The following ADGRB3 variants were observed in gnomAD, a reference collection of about 807,000 sequenced individuals.
ADGRB3 encodes the protein adhesion G protein-coupled receptor B3, also known as brain-specific angiogenesis inhibitor 3.
A neutral mutation model predicts 193.4 loss-of-function variants in ADGRB3; 37 were observed. The observed-to-expected ratio is 0.19, with a 90% confidence interval of 0.15 to 0.25. The LOEUF is 0.25. Among genes scored for constraint, ADGRB3 ranks in the 10% least tolerant of loss-of-function variants. The probability of loss-of-function intolerance (pLI) is 1.00; values close to 1 mark genes in which losing one functional copy is unlikely to be tolerated. For synonymous variants in ADGRB3, 690 were observed against 644.2 expected, an observed-to-expected ratio of 1.07 and a Z score of -1.08; for missense variants, 1,637 against 1,852.9, an observed-to-expected ratio of 0.88 and a Z score of 2.14.
intron 3 of ADGRB3, among the ~76,000 whole-genome samples, chr6:68,829,690 A>T (rs184823240): frequency 6.6e-6 from 1 of 152,178 alleles, no homozygotes; most frequent in Admixed American, 6.5e-5. Flanking sequence ...ACATTTAGAA[A>T]TTTCAGGTAA....
chr6:69,239,925 T>C (rs978176730), intron 20 of ADGRB3, among the ~76,000 whole-genome samples: 1 of 152,056 alleles, frequency 6.6e-6, no homozygotes, highest in Non-Finnish European at 1.5e-5. Context: ...TACCCCTGCC[T>C]CAAAAGGATT....
chr6:69,333,534 T>C (rs192750669), intron 24 of ADGRB3, among the ~76,000 whole-genome samples: 107 of 152,228 alleles, frequency 7.0e-4, no homozygotes, highest in African/African-American at 2.5e-3. Flanking sequence ...ATTTTTAATC[T>C]AACTGGCTAA....
At chr6:69,107,889 A>G (rs1482309421) in intron 17 of ADGRB3, among the ~76,000 whole-genome samples, 1 of 152,110 alleles carries the variant, frequency 6.6e-6, no homozygotes, top group Non-Finnish European at 1.5e-5. Flanking sequence ...TGAGACTACT[A>G]GAAGGGAGAG....
intron 20 of ADGRB3, among the ~76,000 whole-genome samples, chr6:69,312,943 C>A (rs921059638): frequency 6.6e-6 from 1 of 151,694 alleles, no homozygotes; most frequent in Non-Finnish European, 1.5e-5. Flanking sequence ...TTGAGATTTG[C>A]CAAGAACTAA....
intron 17 of ADGRB3, among the ~76,000 whole-genome samples, chr6:69,149,250 T>C (rs1332322133): frequency 4.6e-5 from 7 of 152,002 alleles, no homozygotes; most frequent in Non-Finnish European, 1.0e-4. Flanking sequence ...TTATTTCCTC[T>C]GACTGTGTAT....
intron 3 of ADGRB3, among the ~76,000 whole-genome samples, chr6:68,752,530 C>T (rs921227303): frequency 1.3e-5 from 2 of 152,096 alleles, no homozygotes; most frequent in Non-Finnish European, 2.9e-5. Flanking sequence ...GCCTCGGCCT[C>T]CCAAAGTGCT....
chr6:68,741,504 A>T (rs1765981468), intron 3 of ADGRB3, among the ~76,000 whole-genome samples: 1 of 152,058 alleles, frequency 6.6e-6, no homozygotes, highest in South Asian at 2.1e-4. Flanking sequence ...CTCCAACCTG[A>T]GCCTCCCGAG....
chr6:69,361,533 T>A, intron 29 of ADGRB3, 21 bp downstream of exon 29: 1 of 1,594,962 alleles, frequency 6.3e-7, no homozygotes, highest in Non-Finnish European at 8.5e-7. Flanking sequence ...GAAGATTAAA[T>A]TTTTCCTTGA....
chr6:68,798,621 A>T (rs1767256920), intron 3 of ADGRB3, among the ~76,000 whole-genome samples: 1 of 152,184 alleles, frequency 6.6e-6, no homozygotes, highest in African/African-American at 2.4e-5. Flanking sequence ...ACCATGGCAC[A>T]TGTATACCTA....
intron 17 of ADGRB3, among the ~76,000 whole-genome samples, chr6:69,101,406 A>C (rs889128769): frequency 2.0e-5 from 3 of 151,168 alleles, no homozygotes; most frequent in Non-Finnish European, 2.9e-5. Context: ...TAAGGCTTTA[A>C]ATGCAAATAT....
chr6:69,244,181 T>C (rs1356810454), intron 20 of ADGRB3, among the ~76,000 whole-genome samples: 1 of 151,868 alleles, frequency 6.6e-6, no homozygotes, highest in African/African-American at 2.4e-5. Flanking sequence ...AAAAATTCTC[T>C]GTCTTAAAGC....
At chr6:68,708,614 A>T (rs556613906) in intron 3 of ADGRB3, among the ~76,000 whole-genome samples, 2 of 152,336 alleles carry the variant, frequency 1.3e-5, no homozygotes, top group East Asian at 3.9e-4. Context: ...GAAGACGTCC[A>T]ATTAAATAGA....
rs1377915095 is a variant in ADGRB3 at position 69,186,962 on chromosome 6, C to T, written c.2481-46328C>T. Among the ~76,000 whole-genome samples, 4 of 141,290 alleles carry T rather than the reference C, an allele frequency of 2.8e-5. 1 individual carries two copies. The highest frequency in any genetic ancestry group is 4.4e-4 in the South Asian group (2 of 4,584). 92.7% of individuals were successfully genotyped at this position (141,290 alleles called of 152,430 possible). On this transcript the variant is annotated intron_variant, in intron 17 of 31. Transcript: ENST00000370598. ...GTTTTTTGTTTTTTTTTTTTGACAA[C>T]GCATGCAGCTGAATTGTTTCTTCAA...
intron 3 of ADGRB3, among the ~76,000 whole-genome samples, chr6:68,687,712 C>A (rs1323044902): frequency 6.6e-6 from 1 of 152,046 alleles, no homozygotes; most frequent in Non-Finnish European, 1.5e-5. Context: ...GGAGCGTCAC[C>A]TTTCAGAGGA....
At chr6:69,170,449 T>C (rs1178065696) in intron 17 of ADGRB3, among the ~76,000 whole-genome samples, 1 of 152,170 alleles carries the variant, frequency 6.6e-6, no homozygotes, top group African/African-American at 2.4e-5. Context: ...GCCTTTCTTC[T>C]AGAATAGGCC....
At chr6:69,332,459 C>T (rs1768751331) in intron 23 of ADGRB3, 2 of 985,396 alleles carry the variant, frequency 2.0e-6, no homozygotes, top group Non-Finnish European at 2.4e-6. Flanking sequence ...GGAATTTAAG[C>T]ATTCTGTCCT....
chr6:69,195,147 T>C (rs959621357), intron 17 of ADGRB3, among the ~76,000 whole-genome samples: 4 of 152,090 alleles, frequency 2.6e-5, no homozygotes, highest in African/African-American at 7.2e-5. Context: ...GTTGGAAATA[T>C]CAGATTTGAA....
intron 17 of ADGRB3, among the ~76,000 whole-genome samples, chr6:69,160,722 A>G (rs1196830330): frequency 1.3e-5 from 2 of 152,098 alleles, no homozygotes; most frequent in East Asian, 1.9e-4. Context: ...TAGATTTGTA[A>G]TATCTGTAAT....
chr6:68,752,721 T>C (rs1766224660), intron 3 of ADGRB3, among the ~76,000 whole-genome samples: 1 of 152,192 alleles, frequency 6.6e-6, no homozygotes, highest in African/African-American at 2.4e-5. Flanking sequence ...TGGGGTTAAG[T>C]TCAAGAGGCA....
Sources: allele counts gnomAD v4.1 joint callset (sites outside exome capture counted in the v4.1 genomes callset), GRCh38; gene constraint gnomAD v4.1.1; transcripts MANE v1.5; gene names NCBI Gene and HGNC (gene_info 2026-07-23, HGNC 2026-07-21).